The following MAN1A1 variants were observed in gnomAD, a reference collection of about 807,000 sequenced individuals.
The protein encoded by MAN1A1 is mannosidase alpha class 1A member 1.
In MAN1A1, 29 loss-of-function variants were observed where a neutral mutation model predicts 70.8. The observed-to-expected ratio is 0.41, with a 90% CI of 0.31 to 0.56. The LOEUF is 0.56. Ranked by LOEUF, MAN1A1 falls within the 20% of genes least tolerant of loss-of-function variation. The pLI is 0.29. For synonymous variants in MAN1A1, 349 were observed against 330.1 expected, an observed-to-expected ratio of 1.06 and a Z score of -0.62; for missense variants, 747 against 841.3, an observed-to-expected ratio of 0.89 and a Z score of 1.39.
intron 8 of MAN1A1, among the ~76,000 whole-genome samples, chr6:119,197,013 T>C (rs1002986274): frequency 2.2e-4 from 34 of 152,148 alleles, no homozygotes; most frequent in Admixed American, 2.0e-3. Context: ...GAACAACCAT[T>C]AAAAGCAGAG....
chr6:119,260,312 T>C (rs983559416), intron 5 of MAN1A1, among the ~76,000 whole-genome samples: 7 of 152,226 alleles, frequency 4.6e-5, no homozygotes, highest in South Asian at 4.1e-4. Context: ...TTTTTAAAAA[T>C]AGCTGTATCA....
chr6:119,276,594 C>T (rs1776072824), intron 5 of MAN1A1, among the ~76,000 whole-genome samples: 2 of 152,296 alleles, frequency 1.3e-5, no homozygotes, highest in Non-Finnish European at 2.9e-5. Flanking sequence ...CTCATAAATG[C>T]TGGAGTTATT....
At position 119,253,412 on chromosome 6, in the gene MAN1A1, G is replaced by A. The variant is rs539522239; in HGVS notation, c.898-5058C>T. The stretch of plus-strand genomic sequence containing the variant: ...TCTCCATGACAACGCCCGACTGCAC[G>A]TTGCAAAACCGCTTCAAAAGTTGAA... On this transcript the variant is annotated intron_variant, in intron 5 of 12. Transcript: ENST00000368468. 1.3e-4 allele frequency among the ~76,000 whole-genome samples: 20 copies of A among 152,284 alleles called. No individual in the cohort carries two copies. The South Asian group carries it at 3.1e-3, about 24-fold the overall frequency.
At chr6:119,307,956 T>C (rs1383729669) in intron 2 of MAN1A1, among the ~76,000 whole-genome samples, 1 of 152,172 alleles carries the variant, frequency 6.6e-6, no homozygotes, top group Non-Finnish European at 1.5e-5. Flanking sequence ...TTTTCATATG[T>C]TCCTGAACAC....
chr6:119,288,509 G>A (rs1776442856), intron 5 of MAN1A1, among the ~76,000 whole-genome samples: 1 of 151,822 alleles, frequency 6.6e-6, no homozygotes, highest in Non-Finnish European at 1.5e-5. Flanking sequence ...GAACAGACCT[G>A]GGGTAAAAAA....
chr6:119,231,632 T>C (rs2114282154), intron 6 of MAN1A1, among the ~76,000 whole-genome samples: 1 of 152,246 alleles, frequency 6.6e-6, no homozygotes, highest in African/African-American at 2.4e-5. Context: ...AAAGGTCTCC[T>C]CATTCCCTGA....
At chr6:119,250,779 A>G (rs1201045585) in intron 5 of MAN1A1, among the ~76,000 whole-genome samples, 2 of 152,018 alleles carry the variant, frequency 1.3e-5, no homozygotes, top group Non-Finnish European at 2.9e-5. Context: ...ACCTATTTGC[A>G]TTCTCAAATT....
intron 8 of MAN1A1, among the ~76,000 whole-genome samples, chr6:119,199,303 C>G (rs889732259): frequency 6.6e-6 from 1 of 152,178 alleles, no homozygotes. Context: ...AAGAACATGG[C>G]TCCTGACTAC....
At chr6:119,291,020 AC>A (rs1414313424) in intron 4 of MAN1A1, among the ~76,000 whole-genome samples, 1 of 151,920 alleles carries the variant, frequency 6.6e-6, no homozygotes, top group Non-Finnish European at 1.5e-5. Flanking sequence ...AAAGGAAAAA[AC>A]ATACTTAAAA....
At chr6:119,243,688 C>A (rs373665367) in intron 6 of MAN1A1, among the ~76,000 whole-genome samples, 63 of 152,010 alleles carry the variant, frequency 4.1e-4, no homozygotes, top group African/African-American at 1.3e-3. Context: ...AGTAGAGCAA[C>A]CTGCAATTTA....
chr6:119,191,421 A>G (rs1773439367), intron 9 of MAN1A1, among the ~76,000 whole-genome samples: 1 of 116,752 alleles, frequency 8.6e-6, no homozygotes, highest in African/African-American at 2.7e-5. Context: ...AAAAACTACA[A>G]TGAAATTCCA....
At position 119,348,811 on chromosome 6, in the gene MAN1A1, G is replaced by A. The variant is rs763477165; in HGVS notation, c.255C>T (p.Asp85=). ...CGCGCGCCCCGGGCCCGGGCTTGTGGTCGGCGGCCGGCTGCAAGGCGGGGC... is the reference window on the plus strand; with the variant it reads ...CGCGCGCCCCGGGCCCGGGCTTGTGATCGGCGGCCGGCTGCAAGGCGGGGC... The part of the protein sequence containing the change: ...HSSPALQPAA[D]HKPGPGARAE... The change falls in exon 2 of 13, where the codon GAC becomes GAT. Residue 85 remains aspartate (D), a synonymous_variant. Transcript: ENST00000368468. 3 of 1,451,770 alleles carry A rather than the reference G, an allele frequency of 2.1e-6. No homozygotes were observed. In the African/African-American group the frequency reaches 4.4e-5, roughly 21 times the overall value. 89.9% of individuals were successfully genotyped at this position (1,451,770 alleles called of 1,614,324 possible).
chr6:119,284,772 AG>A (rs1265946494), intron 5 of MAN1A1, among the ~76,000 whole-genome samples: 2 of 152,120 alleles, frequency 1.3e-5, no homozygotes, highest in South Asian at 4.1e-4. Flanking sequence ...ATTTTCAAGT[AG>A]TTTTACCATT....
chr6:119,349,910 C>T (rs1037784452), upstream of MAN1A1: 9 of 324,956 alleles, frequency 2.8e-5, no homozygotes, highest in Admixed American at 3.2e-4. Flanking sequence ...GGGGAGTTTA[C>T]GGGAAGCGCA....
At chr6:119,316,905 C>A (rs1772868386) in intron 2 of MAN1A1, among the ~76,000 whole-genome samples, 1 of 150,722 alleles carries the variant, frequency 6.6e-6, no homozygotes, top group South Asian at 2.1e-4. Context: ...TGAGCAAAGT[C>A]AGATATAGTT....
chr6:119,316,142 G>C (rs1772845676), intron 2 of MAN1A1, among the ~76,000 whole-genome samples: 1 of 149,176 alleles, frequency 6.7e-6, no homozygotes, highest in Non-Finnish European at 1.5e-5. Flanking sequence ...CAGATCTTTA[G>C]TGATCAAGAG....
intron 5 of MAN1A1, among the ~76,000 whole-genome samples, chr6:119,265,631 T>C (rs1216211199): frequency 2.0e-5 from 3 of 152,048 alleles, no homozygotes; most frequent in African/African-American, 7.2e-5. Flanking sequence ...CAGGGGAAAA[T>C]AAACATATTG....
intron 5 of MAN1A1, among the ~76,000 whole-genome samples, chr6:119,259,322 G>A (rs1049405473): frequency 2.6e-5 from 4 of 152,090 alleles, no homozygotes; most frequent in African/African-American, 9.7e-5. Flanking sequence ...GTCCCTTTTT[G>A]TGTCACATGC....
chr6:119,254,478 A>G (rs1322164031), intron 5 of MAN1A1, among the ~76,000 whole-genome samples: 1 of 152,228 alleles, frequency 6.6e-6, no homozygotes, highest in Non-Finnish European at 1.5e-5. Flanking sequence ...AGCAAGACAA[A>G]TATCATCTTT....
Sources: gnomAD v4.1 joint callset for allele counts (sites outside exome capture counted in the v4.1 genomes callset) on GRCh38, gnomAD v4.1.1 for gene constraint, MANE v1.5 for transcripts, NCBI Gene and HGNC (gene_info 2026-07-23, HGNC 2026-07-21) for gene names.